FHOD3: variants seen among roughly 807,000 people sequenced by gnomAD.
The protein encoded by FHOD3 is FH1/FH2 domain-containing protein 3.
FHOD3 carries 90 observed loss-of-function variants against 173.0 expected under a neutral mutation model. The ratio of observed to expected loss-of-function variants is 0.52; its 90% CI spans 0.44 to 0.62. The LOEUF is 0.62. FHOD3 is among the 20% of genes least tolerant of loss of function. The pLI, the probability that FHOD3 is intolerant of heterozygous loss-of-function variation, is 0.00. For missense variants in FHOD3, 1,945 were observed against 2,034.7 expected (o/e 0.96, Z 0.85); for synonymous variants, 828 against 823.0 (o/e 1.01, Z -0.10).
chr18:36,745,543 C>T (rs2042109859), intron 23 of FHOD3, among the ~76,000 whole-genome samples: 1 of 152,110 alleles, frequency 6.6e-6, no homozygotes, highest in Non-Finnish European at 1.5e-5. Flanking sequence ...TTTGCGAACT[C>T]TTTCCCCTTC....
intron 3 of FHOD3, among the ~76,000 whole-genome samples, chr18:36,404,203 C>T (rs1956998868): frequency 6.6e-6 from 1 of 152,216 alleles, no homozygotes; most frequent in Admixed American, 6.5e-5. Flanking sequence ...TTCTCTCAGT[C>T]TACAAGCTTT....
At chr18:36,624,739 T>C (rs995153888) in intron 9 of FHOD3, among the ~76,000 whole-genome samples, 5 of 152,020 alleles carry the variant, frequency 3.3e-5, no homozygotes, top group African/African-American at 4.8e-5. Context: ...CATTTCCCCA[T>C]GTAAGCCGGA....
chr18:36,448,924 A>G (rs1403114245), intron 3 of FHOD3, among the ~76,000 whole-genome samples: 1 of 148,988 alleles, frequency 6.7e-6, no homozygotes, highest in Non-Finnish European at 1.5e-5. Flanking sequence ...TCCTTTATTC[A>G]ACCCAGAGCC....
chr18:36,705,998 G>C (rs893696071), intron 17 of FHOD3, among the ~76,000 whole-genome samples: 1 of 149,478 alleles, frequency 6.7e-6, no homozygotes, highest in African/African-American at 2.5e-5. Flanking sequence ...TGTGCACGGA[G>C]AGAAGTATGA....
At chr18:36,389,544 C>T (rs980502671) in intron 3 of FHOD3, among the ~76,000 whole-genome samples, 5 of 152,194 alleles carry the variant, frequency 3.3e-5, no homozygotes, top group East Asian at 1.9e-4. Flanking sequence ...CCCGCATACT[C>T]CTCACTTCCA....
At chr18:36,425,219 A>G (rs1459138544) in intron 3 of FHOD3, among the ~76,000 whole-genome samples, 1 of 152,200 alleles carries the variant, frequency 6.6e-6, no homozygotes, top group Admixed American at 6.5e-5. Context: ...CTAATCTCTT[A>G]TTGTGCCCGA....
chr18:36,736,964 A>G (rs1383922277), intron 20 of FHOD3, among the ~76,000 whole-genome samples: 1 of 152,218 alleles, frequency 6.6e-6, no homozygotes, highest in African/African-American at 2.4e-5. Flanking sequence ...TTATCAATAA[A>G]TCTACTGACT....
At chr18:36,659,439 G>T (rs1024353561) in intron 14 of FHOD3, among the ~76,000 whole-genome samples, 1 of 152,214 alleles carries the variant, frequency 6.6e-6, no homozygotes, top group Admixed American at 6.5e-5. Context: ...ATTAGCTGAA[G>T]TTACCTGTAG....
chr18:36,365,438 T>C, intron 2 of FHOD3, among the ~76,000 whole-genome samples: 1 of 152,206 alleles, frequency 6.6e-6, no homozygotes, highest in East Asian at 1.9e-4. Context: ...TACTGTTTAA[T>C]TTCATTTGTA....
intron 3 of FHOD3, among the ~76,000 whole-genome samples, chr18:36,448,589 C>T (rs547340984): frequency 2.6e-5 from 4 of 152,250 alleles, no homozygotes; most frequent in Non-Finnish European, 4.4e-5. Flanking sequence ...CAAGGCTCCC[C>T]GCCTCCCTCT....
intron 5 of FHOD3, among the ~76,000 whole-genome samples, chr18:36,539,287 CATA>C (rs2147061501): frequency 6.6e-6 from 1 of 152,262 alleles, no homozygotes; most frequent in Non-Finnish European, 1.5e-5. Context: ...AAATCCAGGA[CATA>C]ATAAGTAGGT....
At position 36,693,326 on chromosome 18, in the gene FHOD3, C is replaced by G; in HGVS notation, c.2139C>G (p.Ala713=). Residue 713 remains alanine (A), a synonymous_variant, in exon 17 of 29, where the codon GCC becomes GCG. Transcript: ENST00000590592. The part of the protein sequence containing the change: ...SLDLTSPAAP[A]CLAPLSHSPS... ...ACCTGACCTCGCCAGCAGCCCCAGC[C>G]TGCCTGGCTCCTCTGAGCCATAGCC... is the stretch of plus-strand genomic sequence containing the variant. 1 of 1,613,930 alleles carries G rather than the reference C, an allele frequency of 6.2e-7. No homozygotes were observed. The highest frequency in any genetic ancestry group is 8.5e-7 in the Non-Finnish European group (1 of 1,179,838).
chr18:36,538,678 C>T (rs2057087333), intron 5 of FHOD3, among the ~76,000 whole-genome samples: 1 of 152,162 alleles, frequency 6.6e-6, no homozygotes, highest in African/African-American at 2.4e-5. Flanking sequence ...GGATGGATCT[C>T]CAAGGCATTA....
chr18:36,571,355 A>T (rs1308888240), intron 5 of FHOD3, among the ~76,000 whole-genome samples: 1 of 152,244 alleles, frequency 6.6e-6, no homozygotes, highest in Non-Finnish European at 1.5e-5. Flanking sequence ...GTTGAAAACT[A>T]TAGAACACTG....
intron 3 of FHOD3, among the ~76,000 whole-genome samples, chr18:36,481,953 T>C (rs1305812175): frequency 6.6e-6 from 1 of 152,186 alleles, no homozygotes; most frequent in Non-Finnish European, 1.5e-5. Flanking sequence ...GAGCTTGTTA[T>C]GGGTTAGAGT....
chr18:36,665,740 T>C (rs2037138474), intron 14 of FHOD3, among the ~76,000 whole-genome samples: 1 of 152,120 alleles, frequency 6.6e-6, no homozygotes, highest in Non-Finnish European at 1.5e-5. Flanking sequence ...TGAGTTGGCC[T>C]GGAGTGAAGA....
At chr18:36,467,150 G>A (rs1472334492) in intron 3 of FHOD3, among the ~76,000 whole-genome samples, 2 of 152,060 alleles carry the variant, frequency 1.3e-5, no homozygotes, top group African/African-American at 2.4e-5. Context: ...CACTCCTTGC[G>A]AGAGACCCTG....
At chr18:36,299,884 C>T (rs1306360228) in intron 1 of FHOD3, among the ~76,000 whole-genome samples, 1 of 152,208 alleles carries the variant, frequency 6.6e-6, no homozygotes, top group Admixed American at 6.5e-5. Context: ...TTTTTCCCAT[C>T]TACAGCAGAG....
At chr18:36,652,198 G>A (rs188785545) in intron 11 of FHOD3, among the ~76,000 whole-genome samples, 242 of 152,334 alleles carry the variant, frequency 1.6e-3, no homozygotes, top group Non-Finnish European at 2.3e-3. Flanking sequence ...TTCCAGTCGT[G>A]GAAATTCAGA....
Sources: gnomAD v4.1 joint callset for allele counts (sites outside exome capture counted in the v4.1 genomes callset) on GRCh38, gnomAD v4.1.1 for gene constraint, MANE v1.5 for transcripts, NCBI Gene and HGNC (gene_info 2026-07-23, HGNC 2026-07-21) for gene names.